SNX10: variants seen among roughly 807,000 people sequenced by gnomAD.
SNX10 encodes sorting nexin-10.
SNX10 carries 25 observed loss-of-function variants against 28.5 expected under a neutral mutation model. That is an observed-to-expected ratio of 0.88 (90% CI 0.64 to 1.22). The LOEUF (loss-of-function observed/expected upper bound fraction) is 1.22. SNX10 is among the 50% of genes most tolerant of loss of function. The pLI is 0.00. For synonymous variants in SNX10, 62 were observed against 81.4 expected, an observed-to-expected ratio of 0.76 and a Z score of 1.28; for missense variants, 223 against 242.6, an observed-to-expected ratio of 0.92 and a Z score of 0.54.
intron 2 of SNX10, among the ~76,000 whole-genome samples, chr7:26,351,052 G>A (rs937376378): frequency 1.3e-4 from 20 of 151,900 alleles, no homozygotes; most frequent in African/African-American, 3.6e-4. Context: ...TTTCTTTCTA[G>A]TCTTTTTCTA....
At chr7:26,294,799 C>T (rs750401503) in intron 1 of SNX10, among the ~76,000 whole-genome samples, 20 of 152,090 alleles carry the variant, frequency 1.3e-4, no homozygotes, top group Admixed American at 5.2e-4. Flanking sequence ...TGTTTTTCTC[C>T]CCTTCTTCTT....
intron 1 of SNX10, among the ~76,000 whole-genome samples, chr7:26,321,228 A>G (rs1787295752): frequency 6.6e-6 from 1 of 152,194 alleles, no homozygotes; most frequent in African/African-American, 2.4e-5. Flanking sequence ...GTGTGTAGGC[A>G]GAGTTATTTG....
At chr7:26,367,773 G>T (rs1789353734) in intron 5 of SNX10, among the ~76,000 whole-genome samples, 1 of 152,166 alleles carries the variant, frequency 6.6e-6, no homozygotes, top group Non-Finnish European at 1.5e-5. Flanking sequence ...GCCCCCACTG[G>T]TTACCTGTTA....
At chr7:26,372,136 ATAT>A in intron 6 of SNX10, 103 bp downstream of exon 6, 1 of 764,188 alleles carries the variant, frequency 1.3e-6, no homozygotes, top group Non-Finnish European at 2.1e-6. Context: ...TTTTTTGTTG[ATAT>A]AATACTAAGA....
chr7:26,352,095 C>T (rs998223405), intron 2 of SNX10, among the ~76,000 whole-genome samples: 29 of 149,350 alleles, frequency 1.9e-4, no homozygotes, highest in Non-Finnish European at 3.3e-4. Flanking sequence ...CCACTCTGTA[C>T]TATCTTCATA....
chr7:26,357,384 C>T (rs1282670539), intron 2 of SNX10, among the ~76,000 whole-genome samples: 3 of 146,194 alleles, frequency 2.1e-5, no homozygotes, highest in Admixed American at 2.0e-4. Flanking sequence ...CAGAGAACAG[C>T]TTAGTTAAAG....
In SNX10 at chr7:26,364,845, T is replaced by A. The variant is rs566110181; in HGVS notation, c.213-202T>A. On this transcript the variant is annotated intron_variant, in intron 4 of 6. Transcript: ENST00000338523. The surrounding 1 kb of genome is among the most constrained non-coding windows in gnomAD (Gnocchi z 4.9). ...TGATGGGTATAGGCCATGAAAGGCC[T>A]CAGAAATGTTTAAAGATGGGTTTTT... 1.1e-4 allele frequency among the ~76,000 whole-genome samples: 16 copies of A among 152,312 alleles called. No individual in the cohort carries two copies. The South Asian group carries it at 3.3e-3, about 32-fold the overall frequency.
At chr7:26,344,887 G>A (rs747817043) in intron 1 of SNX10, among the ~76,000 whole-genome samples, 6 of 152,140 alleles carry the variant, frequency 3.9e-5, no homozygotes, top group Non-Finnish European at 7.4e-5. Context: ...TTACAATTTG[G>A]GATGCTGGAA....
intron 1 of SNX10, among the ~76,000 whole-genome samples, chr7:26,325,639 T>C (rs1372318455): frequency 6.6e-6 from 1 of 151,858 alleles, no homozygotes; most frequent in African/African-American, 2.4e-5. Flanking sequence ...TATAAATTTG[T>C]TTGACGGATT....
intron 5 of SNX10, among the ~76,000 whole-genome samples, chr7:26,369,104 CA>C (rs1562823059): frequency 6.6e-6 from 1 of 152,156 alleles, no homozygotes; most frequent in Non-Finnish European, 1.5e-5. Flanking sequence ...TTCTGATTTG[CA>C]CTATAAATAT....
At position 26,307,265 on chromosome 7, in the gene SNX10, C is replaced by T. The variant is rs79428414; in HGVS notation, c.-24+15179C>T. On this transcript the variant is annotated intron_variant, in intron 1 of 6. Transcript: ENST00000338523. ...CCAGACGCCTAAAGACTGTCTCTCC[C>T]GTCTGGATGTCCCCAACACCCTAAC... 3.4e-3 allele frequency among the ~76,000 whole-genome samples: 521 copies of T among 152,300 alleles called. 2 individuals are homozygous for T. The highest frequency in any genetic ancestry group is 6.0e-3 in the Non-Finnish European group (410 of 68,016).
chr7:26,300,146 G>A (rs1055050636), intron 1 of SNX10, among the ~76,000 whole-genome samples: 6 of 152,144 alleles, frequency 3.9e-5, no homozygotes, highest in African/African-American at 1.4e-4. Flanking sequence ...GGGAGGCAGA[G>A]GTTGCAGTGA....
intron 1 of SNX10, among the ~76,000 whole-genome samples, chr7:26,335,945 G>GTTTTAGCCGGGA (rs1562802658): frequency 1.3e-5 from 2 of 151,160 alleles, no homozygotes; most frequent in Admixed American, 6.6e-5. Context: ...GGGTTTCACC[G>GTTTTAGCCGGGA]TGGTCTCGAT....
At chr7:26,366,574 G>C (rs551054256) in intron 5 of SNX10, among the ~76,000 whole-genome samples, 4 of 152,310 alleles carry the variant, frequency 2.6e-5, no homozygotes, top group African/African-American at 9.6e-5. Context: ...GATTTTAATT[G>C]TTGTCTCTAT....
Position 26,365,065 on chromosome 7 carries a change from A to G in SNX10, c.231A>G (p.Pro77=), listed in dbSNP as rs1419695379. 2.5e-6 allele frequency: 4 copies of G among 1,609,988 alleles called. No individual in the cohort carries two copies. The highest frequency in any genetic ancestry group is 1.1e-5 in the South Asian group (1 of 90,986). ...TCCTAAGACAACTGCCAGAACTTCC[A>G]TCTAAAAACCTGTTTTTCAACATGA... ...NALLVQLPEL[P]SKNLFFNMNN... is the part of the protein sequence containing the mutation. The change falls in exon 5 of 7, where the codon CCA becomes CCG. Residue 77 remains proline (P), a synonymous_variant. Coordinates refer to ENST00000338523, the MANE Select transcript of SNX10 (RefSeq NM_013322.3).
chr7:26,317,315 G>T (rs914190967), intron 1 of SNX10, among the ~76,000 whole-genome samples: 9 of 152,118 alleles, frequency 5.9e-5, no homozygotes, highest in Admixed American at 1.3e-4. Flanking sequence ...GTGACAGATG[G>T]ATTTGAATTC....
At chr7:26,313,726 T>TAA in intron 1 of SNX10, among the ~76,000 whole-genome samples, 1 of 151,456 alleles carries the variant, frequency 6.6e-6, no homozygotes, top group Admixed American at 6.6e-5. Flanking sequence ...GCATAATAAT[T>TAA]AAAAAAAAAT....
At chr7:26,354,580 C>T (rs1427749715) in intron 2 of SNX10, among the ~76,000 whole-genome samples, 1 of 152,092 alleles carries the variant, frequency 6.6e-6, no homozygotes, top group African/African-American at 2.4e-5. Context: ...AATGTTTCAC[C>T]ATGTTTCCCA....
chr7:26,335,735 CTTTTTTTT>C (rs57340085), intron 1 of SNX10, among the ~76,000 whole-genome samples: 11 of 84,272 alleles, frequency 1.3e-4, no homozygotes, highest in East Asian at 3.6e-4. Context: ...ATGGAATATT[CTTTTTTTT>C]TTTTTTTTTT....
Sources: gnomAD v4.1 joint callset for allele counts (sites outside exome capture counted in the v4.1 genomes callset) on GRCh38, gnomAD v4.1.1 for gene constraint, Gnocchi (gnomAD v3.1) non-coding constraint, MANE v1.5 for transcripts, NCBI Gene and HGNC (gene_info 2026-07-23, HGNC 2026-07-21) for gene names.